TSPAN15: variants seen among roughly 807,000 people sequenced by gnomAD.
TSPAN15 encodes tetraspanin 15.
A neutral mutation model predicts 34.5 loss-of-function variants in TSPAN15; 20 were observed. The observed-to-expected ratio is 0.58, with a 90% CI of 0.41 to 0.84. The LOEUF is 0.84. Ranked by LOEUF, TSPAN15 falls within the 40% of genes least tolerant of loss-of-function variation. The pLI, the probability that TSPAN15 is intolerant of heterozygous loss-of-function variation, is 0.00. For missense variants in TSPAN15, 313 were observed against 386.1 expected (o/e 0.81, Z 1.59); for synonymous variants, 155 against 153.9 (o/e 1.01, Z -0.05).
chr10:69,548,731 A>G, the TSPAN15 span, among the ~76,000 whole-genome samples: 175 of 152,294 alleles, frequency 1.1e-3, 1 homozygote, highest in African/African-American at 4.1e-3. Context: ...TTGAGTTCCC[A>G]TGAAGCTAAC....
intron 1 of TSPAN15, among the ~76,000 whole-genome samples, chr10:69,455,632 C>CG (rs1332781322): frequency 1.5e-5 from 2 of 136,470 alleles, no homozygotes; most frequent in African/African-American, 2.8e-5. Flanking sequence ...CTCTCCCCCC[C>CG]CCGTCTCTTT....
Position 69,507,076 on chromosome 10 carries a change from C to T in TSPAN15, c.*98C>T, listed in dbSNP as rs1842346369. 1 of 1,531,482 alleles carries T rather than the reference C, an allele frequency of 6.5e-7. No individual in the cohort carries two copies. Among genetic ancestry groups the T allele is most frequent in the African/African-American group, 1.4e-5 (1 of 72,196 alleles). 94.9% of individuals were successfully genotyped at this position (1,531,482 alleles called of 1,614,324 possible). On this transcript the variant is annotated 3_prime_UTR_variant, in exon 8 of 8. Coordinates refer to ENST00000373290, the MANE Select transcript of TSPAN15 (RefSeq NM_012339.5). ...GACAGGGCTGCGGCCCCTCTGCCCA[C>T]ACTCAGTACTGACCAAAGCCAGGGC...
chr10:69,494,928 C>A, intron 3 of TSPAN15: 2 of 940,890 alleles, frequency 2.1e-6, no homozygotes, highest in Non-Finnish European at 2.5e-6. Flanking sequence ...GAAAGCGCAG[C>A]GTGACTGGGA....
At chr10:69,453,345 G>A (rs540464171) in intron 1 of TSPAN15, among the ~76,000 whole-genome samples, 1 of 152,226 alleles carries the variant, frequency 6.6e-6, no homozygotes, top group African/African-American at 2.4e-5. Context: ...TAATTCTAGT[G>A]TGCAGTCAGT....
intron 5 of TSPAN15, among the ~76,000 whole-genome samples, chr10:69,503,927 G>T (rs1360837547): frequency 6.6e-6 from 1 of 152,212 alleles, no homozygotes; most frequent in Non-Finnish European, 1.5e-5. Context: ...CAAGAAGGAA[G>T]TTTTGGCAGC....
chr10:69,460,193 G>A (rs1045835812), intron 1 of TSPAN15, among the ~76,000 whole-genome samples: 23 of 152,034 alleles, frequency 1.5e-4, no homozygotes, highest in African/African-American at 5.3e-4. Flanking sequence ...GGGTGTGCAT[G>A]TGGTCTTTTC....
chr10:69,475,358 C>T (rs1841594038), intron 1 of TSPAN15, among the ~76,000 whole-genome samples: 1 of 152,176 alleles, frequency 6.6e-6, no homozygotes, highest in Admixed American at 6.5e-5. Flanking sequence ...AGTCCCTGTG[C>T]TCAGGGAGGG....
chr10:69,495,840 G>A, intron 4 of TSPAN15, 151 bp downstream of exon 4: 1 of 630,250 alleles, frequency 1.6e-6, no homozygotes, highest in Non-Finnish European at 2.8e-6. Flanking sequence ...AGTGAGCATG[G>A]ATGGCCCACC....
At chr10:69,512,800 G>A in the TSPAN15 span, among the ~76,000 whole-genome samples, 3 of 152,180 alleles carry the variant, frequency 2.0e-5, no homozygotes, top group African/African-American at 7.2e-5. Context: ...GCATACTGTT[G>A]TATGGATACA....
the TSPAN15 span, among the ~76,000 whole-genome samples, chr10:69,529,620 G>A: frequency 2.0e-5 from 3 of 147,778 alleles, 1 homozygote; most frequent in Admixed American, 1.4e-4. Flanking sequence ...TCATTGTTAG[G>A]TGACAATCTC....
intron 3 of TSPAN15, among the ~76,000 whole-genome samples, chr10:69,489,402 G>A (rs569445760): frequency 4.4e-4 from 67 of 152,318 alleles, no homozygotes; most frequent in African/African-American, 1.6e-3. Context: ...GTGGCCGTAA[G>A]GTGACATACA....
rs778281282 is a variant in TSPAN15 at position 69,507,012 on chromosome 10, C to T, written c.*34C>T. On this transcript the variant is annotated 3_prime_UTR_variant, in exon 8 of 8. Transcript: ENST00000373290. ...CTGCCATGGCAGCTCCAACAAGGAC[C>T]GTCTGGGATAGCACCTCTCAGTCAA... 15 of 1,597,794 alleles carry T rather than the reference C, an allele frequency of 9.4e-6. No individual in the cohort carries two copies. The highest frequency in any genetic ancestry group is 6.8e-5 in the East Asian group (3 of 44,356).
intron 1 of TSPAN15, among the ~76,000 whole-genome samples, chr10:69,454,515 TA>T (rs35671630): frequency 0.18 from 26,980 of 149,508 alleles, 2,526 homozygotes; most frequent in Middle Eastern, 0.27. Flanking sequence ...AGACTCGGTT[TA>T]AAAAAAAAAA....
At chr10:69,513,274 TG>T in the TSPAN15 span, among the ~76,000 whole-genome samples, 1 of 152,272 alleles carries the variant, frequency 6.6e-6, no homozygotes, top group African/African-American at 2.4e-5. Context: ...AGATTGTTTT[TG>T]TATTATTGAA....
chr10:69,525,834 A>G, the TSPAN15 span, among the ~76,000 whole-genome samples: 2 of 145,872 alleles, frequency 1.4e-5, no homozygotes, highest in Admixed American at 7.2e-5. Flanking sequence ...AAAAAAAAAA[A>G]CTATTCAACC....
intron 1 of TSPAN15, among the ~76,000 whole-genome samples, chr10:69,466,378 G>A (rs1287418803): frequency 6.6e-6 from 1 of 152,158 alleles, no homozygotes; most frequent in Non-Finnish European, 1.5e-5. Context: ...GGCCAGATCA[G>A]CATCCCCCCG....
At chr10:69,549,264 C>G in the TSPAN15 span, among the ~76,000 whole-genome samples, 1 of 152,152 alleles carries the variant, frequency 6.6e-6, no homozygotes, top group Non-Finnish European at 1.5e-5. Context: ...CTACTGTTAT[C>G]ATACATGTTG....
At chr10:69,535,896 C>CAACT in the TSPAN15 span, among the ~76,000 whole-genome samples, 114 of 152,346 alleles carry the variant, frequency 7.5e-4, no homozygotes, top group Non-Finnish European at 1.3e-3. Flanking sequence ...GATTTTCTCC[C>CAACT]AACTCTCTCC....
rs1840971004 is a variant in TSPAN15 at position 69,451,671 on chromosome 10, T to G, written c.77T>G (p.Ile26Ser). The G allele has an allele frequency of 1.1e-5, 17 of 1,539,912 alleles. No individual in the cohort carries two copies. Among genetic ancestry groups the G allele is most frequent in the Non-Finnish European group, 1.3e-5 (15 of 1,141,306 alleles). Residue 26 changes from isoleucine (I) to serine (S), a missense_variant, in exon 1 of 8, where the codon ATC (isoleucine) becomes AGC (serine). Transcript: ENST00000373290. ...SYLWLKFSLI[I>S]YSTVFWLIGA... is the part of the protein sequence containing the mutation. ...CTCTGGCTCAAGTTTTCACTTATCA[T>G]CTATTCCACCGTGTTCTGGGTGAGT...
Sources: allele counts gnomAD v4.1 joint callset (sites outside exome capture counted in the v4.1 genomes callset), GRCh38; gene constraint gnomAD v4.1.1; transcripts MANE v1.5; gene names NCBI Gene and HGNC (gene_info 2026-07-23, HGNC 2026-07-21).